NCOR2: variants seen among roughly 807,000 people sequenced by gnomAD.
NCOR2 encodes the protein nuclear receptor corepressor 2.
A neutral mutation model predicts 262.9 loss-of-function variants in NCOR2; 81 were observed. The observed-to-expected ratio is 0.31, with a 90% CI of 0.26 to 0.37. The LOEUF is 0.37. Ranked by LOEUF, NCOR2 falls within the 10% of genes least tolerant of loss-of-function variation. NCOR2 has a pLI of 1.00. For missense variants in NCOR2, 3,385 were observed against 3,621.4 expected, an observed-to-expected ratio of 0.93 and a Z score of 1.68; for synonymous variants, 1,659 against 1,559.3, an observed-to-expected ratio of 1.06 and a Z score of -1.51.
chr12:124,449,850 G>C (rs762118140), exon 7 of NCOR2: 1 of 1,613,972 alleles, frequency 6.2e-7, no homozygotes, highest in Admixed American at 1.7e-5. Context: ...GGGTGTCGGA[G>C]GGCTGGTTGT....
At chr12:124,355,099 C>T (rs1593184407) in intron 24 of NCOR2, 160 bp from the exon 27 acceptor site, 21 of 652,578 alleles carry the variant, frequency 3.2e-5, no homozygotes, top group South Asian at 3.9e-5. Context: ...TCCCAAGCCT[C>T]GGCCCCCTCC....
At chr12:124,385,133 A>G (rs1263996450) in intron 17 of NCOR2, among the ~76,000 whole-genome samples, 1 of 152,196 alleles carries the variant, frequency 6.6e-6, no homozygotes, top group African/African-American at 2.4e-5. Context: ...CTGTGGAAGA[A>G]GCGGCTGCTC....
rs3825113 is a variant in NCOR2, at chr12:124,378,477, G to A, written c.2020-93C>T. On this transcript the variant is annotated intron_variant, in intron 17 of 46. Coordinates refer to ENST00000405201, the Ensembl canonical transcript of NCOR2. The surrounding 1 kb of genome is among the most constrained non-coding windows in gnomAD (Gnocchi z 4.2). ...TGGGGCCTCGCCGCAGGTGCAAAGG[G>A]CAGTGATCCCGGCCATGTAGCAATG... The A allele has an allele frequency of 0.012, 16,112 of 1,316,672 alleles. 386 individuals are homozygous for A. Among genetic ancestry groups the A allele is most frequent in the South Asian group, 0.079 (5,383 of 68,536 alleles). The allele number at this position is 1,316,672 out of a possible 1,614,324, so 81.6% of individuals were successfully genotyped here.
At chr12:124,479,430 CAGGCACATGTGT>C (rs1196315724) in intron 3 of NCOR2, among the ~76,000 whole-genome samples, 2 of 149,754 alleles carry the variant, frequency 1.3e-5, no homozygotes, top group Non-Finnish European at 3.0e-5. Context: ...TGCACGCACA[CAGGCACATGTGT>C]GCACACACGC....
At chr12:124,530,140 T>C (rs2050704303) in intron 1 of NCOR2, 1 of 152,276 alleles carries the variant, frequency 6.6e-6, no homozygotes, top group African/African-American at 2.4e-5. Flanking sequence ...AAAGAATGAA[T>C]TGATACATGA....
At position 124,563,915 on chromosome 12, in the gene NCOR2, C is replaced by T. The variant is rs186356848; in HGVS notation, c.-165+3393G>A. 3.9e-5 allele frequency among the ~76,000 whole-genome samples: 6 copies of T among 152,334 alleles called. No homozygotes were observed. The East Asian group carries it at 1.2e-3, about 29-fold the overall frequency. ...TAAATTCCTGCTGCACTAACACGAC[C>T]GTGAATAATCCCAGGTCTTAATTCG... On this transcript the variant is annotated intron_variant, in intron 1 of 32. Transcript: ENST00000458234.
intron 16 of NCOR2, among the ~76,000 whole-genome samples, chr12:124,392,642 G>C (rs1346737521): frequency 6.6e-6 from 1 of 152,226 alleles, no homozygotes; most frequent in Non-Finnish European, 1.5e-5. Context: ...GTGCGGCAGA[G>C]CACACAGGCG....
At chr12:124,327,778 G>C (rs2034814924) in intron 44 of NCOR2, 145 bp from the exon 47 acceptor site, 1 of 624,852 alleles carries the variant, frequency 1.6e-6, no homozygotes, top group East Asian at 2.8e-5. Context: ...AGCACATTTC[G>C]GCAAAGCAAC....
chr12:124,429,131 GC>G (rs780764961), intron 10 of NCOR2, among the ~76,000 whole-genome samples: 2 of 152,250 alleles, frequency 1.3e-5, no homozygotes, highest in East Asian at 3.9e-4. Context: ...GAAGGTCGTG[GC>G]TGCGTGGACA....
chr12:124,448,245 C>A (rs996599984), intron 7 of NCOR2, among the ~76,000 whole-genome samples: 2 of 152,240 alleles, frequency 1.3e-5, no homozygotes, highest in Non-Finnish European at 2.9e-5. Flanking sequence ...AAGAATGTCC[C>A]CCTTGCTTTC....
chr12:124,437,232 C>G (rs1307338371), intron 8 of NCOR2, among the ~76,000 whole-genome samples: 2 of 152,218 alleles, frequency 1.3e-5, no homozygotes. Flanking sequence ...CTGTTGAAGC[C>G]CATCTGAGTC....
At chr12:124,341,868 G>A (rs1335775651) in exon 34 of NCOR2, 1 of 1,611,160 alleles carries the variant, frequency 6.2e-7, no homozygotes, top group Non-Finnish European at 8.5e-7. Context: ...GACTCGCGGG[G>A]CGAGAGGCCC....
At chr12:124,327,750 A>AG in intron 44 of NCOR2, 117 bp from the exon 47 acceptor site, 1 of 702,348 alleles carries the variant, frequency 1.4e-6, no homozygotes, top group Non-Finnish European at 2.4e-6. Flanking sequence ...GAGGAGGAGG[A>AG]GAGAGAAATA....
At chr12:124,330,725 G>A (rs1328647440) in intron 44 of NCOR2, 120 bp downstream of exon 46, 2 of 1,147,236 alleles carry the variant, frequency 1.7e-6, no homozygotes, top group African/African-American at 3.1e-5. Flanking sequence ...GTTCATCCCA[G>A]AATGAGGGGG....
chr12:124,340,172 C>G, exon 37 of NCOR2: 1 of 554,112 alleles, frequency 1.8e-6, no homozygotes, highest in Non-Finnish European at 2.8e-6. Flanking sequence ...CTGCCCCCAC[C>G]CCCGCCGCTG....
intron 15 of NCOR2, among the ~76,000 whole-genome samples, chr12:124,399,437 C>T (rs1430350976): frequency 1.3e-5 from 2 of 152,134 alleles, no homozygotes; most frequent in Admixed American, 6.5e-5. Flanking sequence ...AGCCCTTTCA[C>T]CCTGGGCCTC....
intron 22 of NCOR2, 131 bp downstream of exon 24, chr12:124,361,995 C>T (rs997410261): frequency 4.9e-6 from 4 of 820,310 alleles, no homozygotes; most frequent in Non-Finnish European, 4.9e-6. Context: ...CTCAACTGTT[C>T]CATTCGTTTA....
At chr12:124,335,161 C>G in exon 40 of NCOR2, 1 of 1,612,052 alleles carries the variant, frequency 6.2e-7, no homozygotes, top group Non-Finnish European at 8.5e-7. Context: ...AGGGTGACCA[C>G]CCGCTGGTGA....
chr12:124,497,128 T>C (rs2048421409), upstream of NCOR2, among the ~76,000 whole-genome samples: 2 of 152,328 alleles, frequency 1.3e-5, no homozygotes, highest in South Asian at 2.1e-4. The surrounding 1 kb of genome is among the most constrained non-coding windows in gnomAD (Gnocchi z 4.2). Context: ...TGGGTTTCTG[T>C]CACATGCCAC....
Sources: allele counts gnomAD v4.1 joint callset (sites outside exome capture counted in the v4.1 genomes callset), GRCh38; gene constraint gnomAD v4.1.1; non-coding constraint Gnocchi (gnomAD v3.1); transcripts MANE v1.5; gene names NCBI Gene and HGNC (gene_info 2026-07-23, HGNC 2026-07-21).